The following RABGAP1L variants were observed in gnomAD, a reference collection of about 807,000 sequenced individuals.
The protein encoded by RABGAP1L is rab GTPase-activating protein 1-like.
Under a neutral mutation model 137.7 loss-of-function variants are expected in RABGAP1L, and 63 were observed. That is an observed-to-expected ratio of 0.46 (90% CI 0.37 to 0.56). The LOEUF is 0.56. Among genes scored for constraint, RABGAP1L ranks in the 20% least tolerant of loss-of-function variants. The pLI is 0.00. For synonymous variants in RABGAP1L, 431 were observed against 433.7 expected, an observed-to-expected ratio of 0.99 and a Z score of 0.08; for missense variants, 1,095 against 1,244.0, an observed-to-expected ratio of 0.88 and a Z score of 1.80.
intron 17 of RABGAP1L, among the ~76,000 whole-genome samples, chr1:174,744,167 C>G (rs2148659256): frequency 7.8e-6 from 1 of 128,146 alleles, no homozygotes; most frequent in East Asian, 2.6e-4. Context: ...ACATTCAGAA[C>G]AAAACCCAAA....
intron 18 of RABGAP1L, chr1:174,756,718 A>C: frequency 3.7e-6 from 1 of 273,440 alleles, no homozygotes; most frequent in Non-Finnish European, 7.2e-6. Context: ...GAAAACTCCC[A>C]AAAGACCCTG....
At chr1:174,877,191 G>A (rs368044289) in intron 19 of RABGAP1L, among the ~76,000 whole-genome samples, 5 of 152,032 alleles carry the variant, frequency 3.3e-5, no homozygotes, top group African/African-American at 9.7e-5. Flanking sequence ...AAGTTTAAAG[G>A]TTTCCAAAAA....
chr1:174,655,548 T>C (rs561761355), intron 14 of RABGAP1L, among the ~76,000 whole-genome samples: 3 of 152,348 alleles, frequency 2.0e-5, no homozygotes, highest in African/African-American at 7.2e-5. Context: ...TGATGATTAG[T>C]GTGATCACAT....
intron 17 of RABGAP1L, among the ~76,000 whole-genome samples, chr1:174,735,443 G>A (rs1682851429): frequency 6.6e-6 from 1 of 151,100 alleles, no homozygotes; most frequent in African/African-American, 2.4e-5. Context: ...TTGCATTGCT[G>A]TAAAGAAATA....
At chr1:174,804,051 G>A (rs962458777) in intron 18 of RABGAP1L, among the ~76,000 whole-genome samples, 12 of 150,708 alleles carry the variant, frequency 8.0e-5, no homozygotes, top group Non-Finnish European at 1.0e-4. Context: ...ATGAGATTCC[G>A]TCTAAAAAAA....
chr1:174,412,095 A>G (rs548134497), intron 13 of RABGAP1L, among the ~76,000 whole-genome samples: 3 of 152,198 alleles, frequency 2.0e-5, no homozygotes, highest in East Asian at 1.9e-4. Context: ...GTTCCCCACT[A>G]TTACTGTGTG....
intron 11 of RABGAP1L, chr1:174,367,423 A>G (rs150582248): frequency 1.9e-4 from 39 of 209,708 alleles, no homozygotes; most frequent in African/African-American, 7.5e-4. Flanking sequence ...TTGCTACTAC[A>G]TCTAGCAGTT....
Position 174,953,731 on chromosome 1 carries a change from C to T in RABGAP1L, c.2341-3726C>T, listed in dbSNP as rs542162247. 2.7e-3 allele frequency among the ~76,000 whole-genome samples: 406 copies of T among 152,218 alleles called. 5 individuals carry two copies. Among genetic ancestry groups the T allele is most frequent in the African/African-American group, 8.6e-3 (356 of 41,534 alleles). On this transcript the variant is annotated intron_variant, in intron 19 of 25. Coordinates refer to ENST00000681986, the MANE Select transcript of RABGAP1L (RefSeq NM_001366446.1). ...GAAATCACTGTGGAATACGATGAAA[C>T]GTAATAGAAAGTATCAGCAGACACT...
In RABGAP1L at chr1:174,843,339, C is replaced by T. The variant is rs1488500870; in HGVS notation, c.2340+31379C>T. ...TGTGCTGCACCCACTAACTCGTCATCTAGCATTAGGTATATCTCCCAATGC... is the reference window on the plus strand; with the variant it reads ...TGTGCTGCACCCACTAACTCGTCATTTAGCATTAGGTATATCTCCCAATGC... On this transcript the variant is annotated intron_variant, in intron 19 of 25. Transcript: ENST00000681986. 2.0e-5 allele frequency among the ~76,000 whole-genome samples: 3 copies of T among 149,842 alleles called. No homozygotes were observed. The East Asian group carries it at 6.0e-4, about 30-fold the overall frequency.
At chr1:174,686,210 A>G (rs888748099) in intron 15 of RABGAP1L, among the ~76,000 whole-genome samples, 1 of 152,202 alleles carries the variant, frequency 6.6e-6, no homozygotes, top group Non-Finnish European at 1.5e-5. Flanking sequence ...GTGAAGAGCA[A>G]TTATAGTAGA....
At chr1:174,777,376 G>A (rs1039718226) in intron 18 of RABGAP1L, among the ~76,000 whole-genome samples, 2 of 152,184 alleles carry the variant, frequency 1.3e-5, no homozygotes, top group African/African-American at 2.4e-5. Context: ...TGGCTGTCAT[G>A]TGCATTACAG....
In RABGAP1L at chr1:174,186,226, G is replaced by A. The variant is rs554449819; in HGVS notation, c.-34+26569G>A. On this transcript the variant is annotated intron_variant, in intron 1 of 25. Transcript: ENST00000681986. ...TGTTGACTTCTAGTGCTTTTTGGGC[G>A]CTGATGCTCACACTTATTTTGATAA... is the stretch of plus-strand genomic sequence containing the variant. Among the ~76,000 whole-genome samples the A allele has an allele frequency of 3.3e-5, 5 of 151,910 alleles. No homozygotes were observed. In the South Asian group the frequency reaches 6.2e-4, roughly 19 times the overall value.
At chr1:174,902,768 C>T (rs1658358610) in intron 19 of RABGAP1L, among the ~76,000 whole-genome samples, 1 of 152,192 alleles carries the variant, frequency 6.6e-6, no homozygotes. Context: ...CCTGGGTGGG[C>T]TGTCACTGCC....
intron 11 of RABGAP1L, among the ~76,000 whole-genome samples, chr1:174,350,033 G>C (rs1453901142): frequency 8.0e-6 from 1 of 124,610 alleles, no homozygotes; most frequent in Non-Finnish European, 1.8e-5. Flanking sequence ...CAGTAGGGGC[G>C]GCCGGGCAGA....
At chr1:174,814,731 G>A (rs1298673054) in intron 19 of RABGAP1L, among the ~76,000 whole-genome samples, 1 of 149,336 alleles carries the variant, frequency 6.7e-6, no homozygotes, top group Non-Finnish European at 1.5e-5. Context: ...GTCTCATTCT[G>A]TTGCCCAGGC....
intron 7 of RABGAP1L, among the ~76,000 whole-genome samples, chr1:174,254,484 C>A (rs1672957765): frequency 6.6e-6 from 1 of 152,134 alleles, no homozygotes; most frequent in East Asian, 1.9e-4. Context: ...GCTCTCCCTT[C>A]CCTTGCCCCC....
At chr1:174,819,309 T>C (rs930227508) in intron 19 of RABGAP1L, among the ~76,000 whole-genome samples, 1 of 151,884 alleles carries the variant, frequency 6.6e-6, no homozygotes. Flanking sequence ...AAGATGGATT[T>C]TTGGAGGATG....
intron 1 of RABGAP1L, among the ~76,000 whole-genome samples, chr1:174,217,962 G>A (rs540258593): frequency 1.3e-5 from 2 of 152,166 alleles, no homozygotes; most frequent in East Asian, 3.9e-4. Flanking sequence ...AACCTAATTA[G>A]AAAGAAAAAT....
At chr1:174,396,510 T>C (rs1254655712) in intron 13 of RABGAP1L, among the ~76,000 whole-genome samples, 1 of 152,074 alleles carries the variant, frequency 6.6e-6, no homozygotes, top group Non-Finnish European at 1.5e-5. Flanking sequence ...TATTTATGCC[T>C]AGAAGTTTTT....
Sources: allele counts gnomAD v4.1 joint callset (sites outside exome capture counted in the v4.1 genomes callset), GRCh38; gene constraint gnomAD v4.1.1; transcripts MANE v1.5; gene names NCBI Gene and HGNC (gene_info 2026-07-23, HGNC 2026-07-21).